RBMS2: variants seen among roughly 807,000 people sequenced by gnomAD.
RBMS2 encodes the protein RNA binding motif single stranded interacting protein 2.
In RBMS2, 38 loss-of-function variants were observed where a neutral mutation model predicts 58.4. The observed-to-expected ratio is 0.65, with a 90% CI of 0.50 to 0.85. The LOEUF is 0.85. Ranked by LOEUF, RBMS2 falls within the 40% of genes least tolerant of loss-of-function variation. RBMS2 has a pLI of 0.00. For synonymous variants in RBMS2, 151 were observed against 180.7 expected (o/e 0.84, Z 1.32); for missense variants, 367 against 503.7 (o/e 0.73, Z 2.60).
At chr12:56,543,911 G>A (rs995166892) in intron 1 of RBMS2, among the ~76,000 whole-genome samples, 2 of 148,004 alleles carry the variant, frequency 1.4e-5, no homozygotes, top group African/African-American at 2.5e-5. Context: ...TAAGTGATCC[G>A]CCCACCTCAG....
intron 4 of RBMS2, among the ~76,000 whole-genome samples, chr12:56,570,914 C>T (rs1565767416): frequency 6.6e-6 from 1 of 152,126 alleles, no homozygotes; most frequent in African/African-American, 2.4e-5. Flanking sequence ...GAGTATTATA[C>T]ATAGAGCTTG....
chr12:56,555,386 T>A (rs114201936), intron 1 of RBMS2, among the ~76,000 whole-genome samples: 8 of 146,048 alleles, frequency 5.5e-5, no homozygotes, highest in African/African-American at 1.8e-4. Context: ...GTTGCGGTGA[T>A]ACAAGATCGC....
intron 1 of RBMS2, among the ~76,000 whole-genome samples, chr12:56,550,193 AT>A (rs1877992336): frequency 6.6e-6 from 1 of 152,178 alleles, no homozygotes; most frequent in Non-Finnish European, 1.5e-5. Context: ...ATTAGAAGAC[AT>A]GAATTGGCTG....
rs187456246 is a variant in RBMS2 at position 56,579,413 on chromosome 12, G to A, written c.543-1771G>A. 4.6e-4 allele frequency among the ~76,000 whole-genome samples: 70 copies of A among 152,154 alleles called. 1 individual carries two copies. In the East Asian group the frequency reaches 0.012, roughly 26 times the overall value. ...TGGGAGGATGAGGCGGGCGGATCAC[G>A]AGGTCAGGAGATGGAGACCATTCTG... On this transcript the variant is annotated intron_variant, in intron 5 of 13. Coordinates refer to ENST00000262031, the MANE Select transcript of RBMS2 (RefSeq NM_002898.4).
rs571351001 is a variant in RBMS2, at chr12:56,595,236, G to A, written c.*6103G>A. On this transcript the variant is annotated 3_prime_UTR_variant, in exon 14 of 14. Coordinates refer to ENST00000262031, the MANE Select transcript of RBMS2 (RefSeq NM_002898.4). ...CATTTTTATAAGGCTGGAAGCGAAT[G>A]TTCCTTTTCTACCTTAACATACAGT... The A allele has an allele frequency of 6.6e-6, 1 of 152,296 alleles. No individual in the cohort carries two copies. Among genetic ancestry groups the A allele is most frequent in the African/African-American group, 2.4e-5 (1 of 41,570 alleles). 9.4% of individuals were successfully genotyped at this position (152,296 alleles called of 1,614,324 possible).
intron 9 of RBMS2, among the ~76,000 whole-genome samples, chr12:56,584,702 G>A (rs972767983): frequency 1.3e-5 from 2 of 151,826 alleles, no homozygotes; most frequent in African/African-American, 2.4e-5. Context: ...GGAGAATGGC[G>A]TGAACCTGAG....
chr12:56,566,267 G>T (rs1452015942), intron 2 of RBMS2, among the ~76,000 whole-genome samples: 1 of 152,122 alleles, frequency 6.6e-6, no homozygotes. Context: ...AGGAGAGATG[G>T]GAAAATTGCT....
intron 1 of RBMS2, among the ~76,000 whole-genome samples, chr12:56,524,666 T>C (rs116715572): frequency 0.015 from 2,349 of 151,580 alleles, 65 homozygotes; most frequent in African/African-American, 0.053. Context: ...CTGCCCTGCC[T>C]TGGACTCCCA....
chr12:56,552,456 A>G (rs12368065), intron 1 of RBMS2, among the ~76,000 whole-genome samples: 60,236 of 152,072 alleles, frequency 0.4, 13,537 homozygotes, highest in East Asian at 0.55. Context: ...CCCGTGTGGA[A>G]AGGACATTTC....
At chr12:56,544,215 G>T (rs1876713546) in intron 1 of RBMS2, among the ~76,000 whole-genome samples, 1 of 152,074 alleles carries the variant, frequency 6.6e-6, no homozygotes, top group African/African-American at 2.4e-5. Context: ...GGTGGAGCTT[G>T]CAATGAGCCG....
At chr12:56,543,585 C>T (rs1455225772) in intron 1 of RBMS2, among the ~76,000 whole-genome samples, 1 of 150,618 alleles carries the variant, frequency 6.6e-6, no homozygotes, top group Non-Finnish European at 1.5e-5. Flanking sequence ...AACTCCTGAC[C>T]TCAAGGATCC....
At chr12:56,523,506 A>G (rs1872122265) in intron 1 of RBMS2, among the ~76,000 whole-genome samples, 1 of 152,236 alleles carries the variant, frequency 6.6e-6, no homozygotes. Context: ...GAGGCTGGGC[A>G]TGGTGGCTTA....
At chr12:56,588,525 C>A in intron 12 of RBMS2, 151 bp downstream of exon 12, 1 of 709,788 alleles carries the variant, frequency 1.4e-6, no homozygotes, top group Non-Finnish European at 2.4e-6. Flanking sequence ...GATGTGCTCG[C>A]TTCGGCAGCA....
Position 56,588,316 on chromosome 12 carries a change from T to C in RBMS2, c.1085T>C (p.Met362Thr), listed in dbSNP as rs747593096. 6.2e-7 allele frequency: 1 copy of C among 1,613,970 alleles called. No homozygotes were observed. Among genetic ancestry groups the C allele is most frequent in the South Asian group, 1.1e-5 (1 of 91,078 alleles). Residue 362 changes from methionine to threonine, a missense_variant, in exon 12 of 14, where the codon ATG becomes ACG. Met to Thr is a moderately conservative substitution (Grantham distance 81, BLOSUM62 -1). Coordinates refer to ENST00000262031, the MANE Select transcript of RBMS2 (RefSeq NM_002898.4). The part of the protein sequence containing the change: ...TGTYMPTAAA[M>T]QGAYISQYTP... Reference sequence around the variant, plus strand: ...TAGTATATGCCGACGGCTGCAGCTATGCAAGGAGCTTACATCTCCCAGTAC... The same window carrying C: ...TAGTATATGCCGACGGCTGCAGCTACGCAAGGAGCTTACATCTCCCAGTAC...
chr12:56,589,123 G>A lies in RBMS2; in HGVS notation c.*7-17G>A. The A allele has an allele frequency of 1.3e-6, 2 of 1,578,882 alleles. No homozygotes were observed. Among genetic ancestry groups the A allele is most frequent in the Non-Finnish European group, 1.7e-6 (2 of 1,162,012 alleles). ...TCATGTTTGTCTTGTCTCCTCTCTG[G>A]CTTGTGCCTTCTTTAGGATTCCCCT... On this transcript the variant is annotated splice_polypyrimidine_tract_variant and intron_variant, in intron 13 of 13. Transcript: ENST00000262031.
intron 1 of RBMS2, among the ~76,000 whole-genome samples, chr12:56,530,167 C>A (rs1203666576): frequency 6.6e-6 from 1 of 151,808 alleles, no homozygotes; most frequent in Non-Finnish European, 1.5e-5. Flanking sequence ...CTTGGCCTCC[C>A]AGAGTGCTGG....
Position 56,582,125 on chromosome 12 carries a change from C to A in RBMS2, c.846C>A (p.Tyr282Ter). Reference sequence around the variant, plus strand: ...TTGCTCAGTCTGCACTCTCCCCATACCTTTCCTCTCCTGTGTCTTCGTATC... The same window carrying A: ...TTGCTCAGTCTGCACTCTCCCCATAACTTTCCTCTCCTGTGTCTTCGTATC... ...RMLAQSALSPYLSSPVSSYQR... is the reference protein window; with the variant it reads ...RMLAQSALSP Residue 282 changes from tyrosine (Y) to a stop codon, truncating the protein, a stop_gained, in exon 9 of 14, where the codon TAC becomes TAA. Coordinates refer to ENST00000262031, the MANE Select transcript of RBMS2 (RefSeq NM_002898.4). LOFTEE classifies it high-confidence loss of function. 6.2e-7 allele frequency: 1 copy of A among 1,610,852 alleles called. No individual in the cohort carries two copies. The highest frequency in any genetic ancestry group is 8.5e-7 in the Non-Finnish European group (1 of 1,177,152).
intron 12 of RBMS2, 111 bp from the exon 13 acceptor site, chr12:56,588,821 G>A: frequency 2.2e-6 from 2 of 911,462 alleles, no homozygotes; most frequent in Admixed American, 1.8e-5. Flanking sequence ...AGTGTGGAGA[G>A]TGGGTAGGTT....
intron 1 of RBMS2, among the ~76,000 whole-genome samples, chr12:56,542,478 T>A (rs555031276): frequency 2.8e-4 from 42 of 151,472 alleles, no homozygotes; most frequent in East Asian, 7.7e-4. Flanking sequence ...GTTTTTTTTT[T>A]TTAAAAATGG....
Sources: gnomAD v4.1 joint callset for allele counts (sites outside exome capture counted in the v4.1 genomes callset) on GRCh38, gnomAD v4.1.1 for gene constraint, MANE v1.5 for transcripts, NCBI Gene and HGNC (gene_info 2026-07-23, HGNC 2026-07-21) for gene names.